Variants in NRXN1 observed in about 807,000 individuals in gnomAD.
The protein encoded by NRXN1 is neurexin 1, also known as neurexin-1.
A neutral mutation model predicts 150.9 loss-of-function variants in NRXN1; 39 were observed. That is an observed-to-expected ratio of 0.26 (90% CI 0.20 to 0.34). NRXN1 has a LOEUF of 0.34. Ranked by LOEUF, NRXN1 falls within the 10% of genes least tolerant of loss-of-function variation. The probability of loss-of-function intolerance (pLI) is 1.00; values close to 1 mark genes in which losing one functional copy is unlikely to be tolerated. For missense variants in NRXN1, 1,815 were observed against 1,949.9 expected (o/e 0.93, Z 1.30); for synonymous variants, 924 against 757.0 (o/e 1.22, Z -3.62).
chr2:50,234,258 C>G (rs1433880810), intron 18 of NRXN1, among the ~76,000 whole-genome samples: 1 of 152,056 alleles, frequency 6.6e-6, no homozygotes, highest in Admixed American at 6.6e-5. Context: ...CTTTGGGAGG[C>G]AGAAGCAGTT....
intron 17 of NRXN1, among the ~76,000 whole-genome samples, chr2:50,262,951 T>C (rs2068446926): frequency 6.6e-6 from 1 of 152,006 alleles, no homozygotes; most frequent in Non-Finnish European, 1.5e-5. Flanking sequence ...ATAATCCTAT[T>C]ACTCATTCCC....
intron 5 of NRXN1, among the ~76,000 whole-genome samples, chr2:50,850,689 AGT>A (rs1401915138): frequency 1.3e-5 from 2 of 152,312 alleles, no homozygotes; most frequent in East Asian, 3.9e-4. Flanking sequence ...TTATTTGGTA[AGT>A]AAACTAGTTC....
At chr2:50,211,969 G>A (rs1243297330) in intron 18 of NRXN1, among the ~76,000 whole-genome samples, 2 of 151,530 alleles carry the variant, frequency 1.3e-5, no homozygotes, top group Non-Finnish European at 3.0e-5. Context: ...TCATTCATGG[G>A]AGCAAATCAA....
intron 21 of NRXN1, 81 bp downstream of exon 21, chr2:50,053,190 T>C: frequency 7.0e-7 from 1 of 1,433,928 alleles, no homozygotes; most frequent in South Asian, 1.2e-5. Flanking sequence ...TGTTCCAATT[T>C]AGAAAAGACG....
At chr2:50,178,487 G>A (rs1351980434) in intron 18 of NRXN1, among the ~76,000 whole-genome samples, 1 of 151,768 alleles carries the variant, frequency 6.6e-6, no homozygotes, top group Non-Finnish European at 1.5e-5. Context: ...GAGACATACT[G>A]CCCACAAAAC....
At chr2:50,108,981 T>C (rs1251504371) in intron 18 of NRXN1, among the ~76,000 whole-genome samples, 3 of 152,030 alleles carry the variant, frequency 2.0e-5, no homozygotes, top group Non-Finnish European at 1.5e-5. Context: ...ATTCTAAAAA[T>C]AAGATAAACA....
chr2:50,030,325 T>C (rs951874160), intron 21 of NRXN1, among the ~76,000 whole-genome samples: 2 of 152,090 alleles, frequency 1.3e-5, no homozygotes, highest in African/African-American at 4.8e-5. Context: ...AGGGAGTATC[T>C]CTCTCAAGGA....
chr2:50,745,998 C>T (rs377320859), intron 5 of NRXN1, among the ~76,000 whole-genome samples: 1 of 152,144 alleles, frequency 6.6e-6, no homozygotes, highest in East Asian at 1.9e-4. Flanking sequence ...ACTAGCCCAG[C>T]CTCTTCTGTG....
intron 2 of NRXN1, among the ~76,000 whole-genome samples, chr2:50,955,583 T>C (rs1346983434): frequency 6.6e-6 from 1 of 152,186 alleles, no homozygotes; most frequent in Non-Finnish European, 1.5e-5. Context: ...AGTATAACTG[T>C]CAACAGCAGA....
At chr2:51,025,234 C>T (rs887567445) in intron 2 of NRXN1, among the ~76,000 whole-genome samples, 1 of 152,144 alleles carries the variant, frequency 6.6e-6, no homozygotes, top group African/African-American at 2.4e-5. Flanking sequence ...TCAGAAGAAT[C>T]CTAATGGATT....
chr2:50,236,443 C>T (rs542186929), intron 18 of NRXN1, among the ~76,000 whole-genome samples: 1 of 152,036 alleles, frequency 6.6e-6, no homozygotes, highest in Non-Finnish European at 1.5e-5. Flanking sequence ...CTCCTGCTTC[C>T]AGCCAGATGG....
intron 18 of NRXN1, among the ~76,000 whole-genome samples, chr2:50,127,647 A>T (rs1704806899): frequency 6.6e-6 from 1 of 152,126 alleles, no homozygotes; most frequent in South Asian, 2.1e-4. Context: ...TCAATTTAGG[A>T]GACACAAAAC....
intron 5 of NRXN1, among the ~76,000 whole-genome samples, chr2:50,738,635 T>C (rs1480815197): frequency 6.6e-6 from 1 of 152,184 alleles, no homozygotes; most frequent in Non-Finnish European, 1.5e-5. Flanking sequence ...TCTCCCACTT[T>C]TTTAAATTGG....
intron 8 of NRXN1, among the ~76,000 whole-genome samples, chr2:50,602,432 T>G (rs111628859): frequency 0.012 from 1,899 of 152,200 alleles, 20 homozygotes; most frequent in Non-Finnish European, 0.015. Context: ...AGATCCTCTA[T>G]ATTTAAGTTT....
At position 50,215,430 on chromosome 2, in the gene NRXN1, C is replaced by G. The variant is rs57241326; in HGVS notation, c.3546+21359G>C. On this transcript the variant is annotated intron_variant, in intron 18 of 22. Coordinates refer to ENST00000401669, the MANE Select transcript of NRXN1 (RefSeq NM_001330078.2). ...GACCTGCTACCAAGTATAAATATTA[C>G]AGCTTCCTGTGTCTAACATTGTCTC... Among the ~76,000 whole-genome samples, 1,291 of 152,086 alleles carry G rather than the reference C, an allele frequency of 8.5e-3. 19 individuals carry two copies. The highest frequency in any genetic ancestry group is 0.03 in the African/African-American group (1,237 of 41,512).
At chr2:50,699,826 T>C (rs1005273863) in intron 5 of NRXN1, among the ~76,000 whole-genome samples, 1 of 152,134 alleles carries the variant, frequency 6.6e-6, no homozygotes, top group African/African-American at 2.4e-5. Flanking sequence ...TAGTCTGTTA[T>C]AAGCCATTGT....
At chr2:50,838,219 T>G (rs945770872) in intron 5 of NRXN1, among the ~76,000 whole-genome samples, 1 of 152,140 alleles carries the variant, frequency 6.6e-6, no homozygotes, top group African/African-American at 2.4e-5. Flanking sequence ...CTGAAAACTA[T>G]TATAAACAGT....
intron 18 of NRXN1, among the ~76,000 whole-genome samples, chr2:50,179,744 T>C (rs1176786450): frequency 6.6e-6 from 1 of 152,110 alleles, no homozygotes; most frequent in African/African-American, 2.4e-5. Flanking sequence ...TAACACACAT[T>C]ATAATTTCCA....
chr2:50,780,723 AT>A (rs1418959694), intron 5 of NRXN1, among the ~76,000 whole-genome samples: 1 of 151,996 alleles, frequency 6.6e-6, no homozygotes, highest in Non-Finnish European at 1.5e-5. Flanking sequence ...TTCTTTGAAT[AT>A]TAATTATGTT....
Sources: allele counts gnomAD v4.1 joint callset (sites outside exome capture counted in the v4.1 genomes callset), GRCh38; gene constraint gnomAD v4.1.1; transcripts MANE v1.5; gene names NCBI Gene and HGNC (gene_info 2026-07-23, HGNC 2026-07-21).